The following DMD variants were observed in gnomAD, a reference collection of about 807,000 sequenced individuals.
DMD encodes mutant dystrophin.
Under a neutral mutation model 330.1 loss-of-function variants are expected in DMD, and 63 were observed. The observed-to-expected ratio is 0.19, with a 90% confidence interval of 0.16 to 0.24. The LOEUF (loss-of-function observed/expected upper bound fraction) is 0.24, where lower values mean the gene tolerates loss of function less well. DMD is among the 10% of genes least tolerant of loss of function. The pLI, the probability that DMD is intolerant of heterozygous loss-of-function variation, is 1.00. For synonymous variants in DMD, 1,223 were observed against 959.8 expected, an observed-to-expected ratio of 1.27 and a Z score of -5.07; for missense variants, 3,344 against 2,684.1, an observed-to-expected ratio of 1.25 and a Z score of -5.43.
Position 31,503,971 on chromosome X carries a change from G to A in DMD, c.8390+3310C>T, listed in dbSNP as rs2070683418. On this transcript the variant is annotated intron_variant, in intron 56 of 78. Coordinates refer to ENST00000357033, the MANE Select transcript of DMD (RefSeq NM_004006.3). ...CTAATGATTAAATATAACTTCATTA[G>A]AGCAGTGATTTTTTTTGGTATGTTT... 4.5e-5 allele frequency among the ~76,000 whole-genome samples: 5 copies of A among 111,167 alleles called. No individual in the cohort carries two copies. The Admixed American group carries it at 4.8e-4, about 11-fold the overall frequency.
In DMD at chrX:31,268,611, C is replaced by T. The variant is rs748512813; in HGVS notation, c.9225-7595G>A. On this transcript the variant is annotated intron_variant, in intron 62 of 78. Coordinates refer to ENST00000357033, the MANE Select transcript of DMD (RefSeq NM_004006.3). ...CTAATAGTATATTCTAGGTCTGCTC[C>T]GATCCTTGGGGAAGAGGGATTAGTG... is the stretch of plus-strand genomic sequence containing the variant. Among the ~76,000 whole-genome samples the T allele has an allele frequency of 3.9e-4, 44 of 111,698 alleles. 1 individual carries two copies. The Middle Eastern group carries it at 0.028, about 70-fold the overall frequency.
At chrX:31,646,156 T>C (rs1334667184) in intron 54 of DMD, among the ~76,000 whole-genome samples, 3 of 111,683 alleles carry the variant, frequency 2.7e-5, no homozygotes, top group African/African-American at 9.8e-5. Context: ...AGCTGAAATA[T>C]ACGTTCTTAG....
intron 62 of DMD, among the ~76,000 whole-genome samples, chrX:31,262,511 G>A (rs1048733512): frequency 8.9e-6 from 1 of 112,655 alleles, no homozygotes; most frequent in African/African-American, 3.2e-5. Flanking sequence ...ACTAGTCAGT[G>A]ATTGAACAGT....
At chrX:32,125,217 A>G (rs1460475952) in intron 44 of DMD, among the ~76,000 whole-genome samples, 1 of 111,261 alleles carries the variant, frequency 9.0e-6, no homozygotes, top group Non-Finnish European at 1.9e-5. Context: ...AATTCCAATG[A>G]GAGACGATGG....
intron 2 of DMD, among the ~76,000 whole-genome samples, chrX:32,905,522 C>T (rs1372151531): frequency 9.0e-6 from 1 of 111,673 alleles, no homozygotes; most frequent in Non-Finnish European, 1.9e-5. Context: ...ACCACCTGCT[C>T]TAAATTAGGT....
intron 55 of DMD, among the ~76,000 whole-genome samples, chrX:31,574,303 C>G (rs957714377): frequency 1.8e-5 from 2 of 108,575 alleles, no homozygotes; most frequent in Non-Finnish European, 3.8e-5. Context: ...ACCACAACAC[C>G]CGGCTGATTT....
chrX:31,498,239 A>G (rs995936389), intron 56 of DMD, among the ~76,000 whole-genome samples: 1 of 112,286 alleles, frequency 8.9e-6, no homozygotes, highest in African/African-American at 3.2e-5. Context: ...TATGATTGAT[A>G]AAACAAAACA....
At chrX:32,662,396 G>T (rs1286643938) in intron 9 of DMD, among the ~76,000 whole-genome samples, 1 of 111,806 alleles carries the variant, frequency 8.9e-6, no homozygotes, top group Non-Finnish European at 1.9e-5. Context: ...AGGTAAAAGA[G>T]AAATCGTCAC....
chrX:33,151,990 C>CA (rs1051643542), intron 1 of DMD, among the ~76,000 whole-genome samples: 7 of 110,806 alleles, frequency 6.3e-5, no homozygotes, highest in African/African-American at 2.3e-4. Context: ...TTAAAATTAG[C>CA]AAAAAAATTA....
chrX:31,187,816 G>A lies in DMD; in HGVS notation c.9808-4912C>T, dbSNP rs143376593. On this transcript the variant is annotated intron_variant, in intron 67 of 78. Coordinates refer to ENST00000357033, the MANE Select transcript of DMD (RefSeq NM_004006.3). ...AAGCAAGAGTGACTTCTGAAGGGGC[G>A]ATTTAATAACAGTTTTCAATTATGT... is the stretch of plus-strand genomic sequence containing the variant. Among the ~76,000 whole-genome samples, 873 of 105,023 alleles carry A rather than the reference G, an allele frequency of 8.3e-3. 5 individuals carry two copies. The highest frequency in any genetic ancestry group is 0.012 in the Non-Finnish European group (633 of 51,467). 91.2% of individuals were successfully genotyped at this position (105,023 alleles called of 115,157 possible).
At chrX:33,081,507 C>A (rs1340446136) in intron 1 of DMD, among the ~76,000 whole-genome samples, 1 of 112,140 alleles carries the variant, frequency 8.9e-6, no homozygotes, top group Non-Finnish European at 1.9e-5. Context: ...CTGCTGACCT[C>A]AAGTGATCCG....
At chrX:32,651,751 CATAA>C (rs991025451) in intron 9 of DMD, among the ~76,000 whole-genome samples, 2 of 111,723 alleles carry the variant, frequency 1.8e-5, no homozygotes, top group African/African-American at 6.5e-5. Context: ...TCATGTACCC[CATAA>C]ATACATACAC....
chrX:32,837,107 GACTGGGCC>G (rs1430807675), intron 4 of DMD, among the ~76,000 whole-genome samples: 1 of 111,636 alleles, frequency 9.0e-6, no homozygotes, highest in East Asian at 2.8e-4. Context: ...CATCCAACAA[GACTGGGCC>G]CTAGCCAACA....
At chrX:32,173,487 C>T (rs1191602943) in intron 44 of DMD, among the ~76,000 whole-genome samples, 1 of 110,220 alleles carries the variant, frequency 9.1e-6, no homozygotes, top group Non-Finnish European at 1.9e-5. Context: ...ATTCTCCTGC[C>T]TCAGCCTCCC....
At chrX:33,079,674 G>C (rs902925318) in intron 1 of DMD, among the ~76,000 whole-genome samples, 2 of 111,772 alleles carry the variant, frequency 1.8e-5, no homozygotes, top group African/African-American at 6.5e-5. Flanking sequence ...AGGCCAGAAA[G>C]AGACATAATT....
At chrX:32,539,228 C>A (rs1289109001) in intron 17 of DMD, among the ~76,000 whole-genome samples, 4 of 105,240 alleles carry the variant, frequency 3.8e-5, no homozygotes, top group African/African-American at 1.0e-4. Context: ...GAATTTATGA[C>A]CAAGGTCATT....
chrX:31,197,477 G>C (rs147524413), intron 67 of DMD, among the ~76,000 whole-genome samples: 2 of 112,293 alleles, frequency 1.8e-5, no homozygotes, highest in Non-Finnish European at 3.8e-5. Flanking sequence ...AGTTGAGACT[G>C]TAATTTATTC....
At chrX:32,429,145 A>G (rs1476422852) in intron 29 of DMD, among the ~76,000 whole-genome samples, 1 of 108,722 alleles carries the variant, frequency 9.2e-6, no homozygotes, top group Non-Finnish European at 1.9e-5. Context: ...TTTATATATT[A>G]AATGTATTGA....
intron 47 of DMD, among the ~76,000 whole-genome samples, chrX:31,924,429 C>G (rs2094739291): frequency 8.9e-6 from 1 of 111,802 alleles, no homozygotes; most frequent in Non-Finnish European, 1.9e-5. Flanking sequence ...GAAAATAAAT[C>G]TGAAATGTTT....
Sources: allele counts gnomAD v4.1 joint callset (sites outside exome capture counted in the v4.1 genomes callset), GRCh38; gene constraint gnomAD v4.1.1; transcripts MANE v1.5; gene names NCBI Gene and HGNC (gene_info 2026-07-23, HGNC 2026-07-21).